The following AGBL1 variants were observed in gnomAD, a reference collection of about 807,000 sequenced individuals.
The protein encoded by AGBL1 is cytosolic carboxypeptidase 4.
In AGBL1, 130 loss-of-function variants were observed where a neutral mutation model predicts 118.9. The ratio of observed to expected loss-of-function variants is 1.09; its 90% CI spans 0.95 to 1.26. The LOEUF is 1.26. AGBL1 is among the 50% of genes most tolerant of loss of function. AGBL1 has a pLI of 0.00. For synonymous variants in AGBL1, 555 were observed against 478.9 expected, an observed-to-expected ratio of 1.16 and a Z score of -2.08; for missense variants, 1,584 against 1,298.1, an observed-to-expected ratio of 1.22 and a Z score of -3.38.
At chr15:86,571,682 C>G (rs1225258368) in intron 21 of AGBL1, among the ~76,000 whole-genome samples, 1 of 152,260 alleles carries the variant, frequency 6.6e-6, no homozygotes, top group Non-Finnish European at 1.5e-5. Context: ...GTCCTCTGCT[C>G]AAGTCAAGGG....
chr15:86,478,150 C>T (rs1204249674), intron 18 of AGBL1, among the ~76,000 whole-genome samples: 3 of 152,150 alleles, frequency 2.0e-5, no homozygotes, highest in East Asian at 1.9e-4. Context: ...AAACTGGAAG[C>T]ATTCCCTTTG....
At chr15:86,718,171 C>A (rs1261110386) in intron 22 of AGBL1, among the ~76,000 whole-genome samples, 1 of 152,172 alleles carries the variant, frequency 6.6e-6, no homozygotes, top group East Asian at 1.9e-4. Context: ...AGAGACCCTA[C>A]CACTGAAGTA....
In AGBL1 at chr15:86,980,448, C is replaced by T. The variant is rs149712067; in HGVS notation, c.3222-7539C>T. Among the ~76,000 whole-genome samples the T allele has an allele frequency of 4.3e-3, 649 of 152,292 alleles. 8 individuals carry two copies. The highest frequency in any genetic ancestry group is 0.015 in the African/African-American group (625 of 41,570). Reference sequence around the variant, plus strand: ...ACTGCAAAGGGGCTGCAAAATTCATCAGTGGAAAATGGCTCAGCGAATTCT... The same window carrying T: ...ACTGCAAAGGGGCTGCAAAATTCATTAGTGGAAAATGGCTCAGCGAATTCT... On this transcript the variant is annotated intron_variant, in intron 23 of 24. Transcript: ENST00000441037.
chr15:86,707,924 A>G (rs1200826381), intron 22 of AGBL1, among the ~76,000 whole-genome samples: 1 of 152,084 alleles, frequency 6.6e-6, no homozygotes, highest in Non-Finnish European at 1.5e-5. Flanking sequence ...TTGGAAATGG[A>G]GGGTTAATAG....
intron 22 of AGBL1, among the ~76,000 whole-genome samples, chr15:86,772,100 G>T (rs1471242470): frequency 1.3e-5 from 2 of 152,034 alleles, no homozygotes; most frequent in Non-Finnish European, 2.9e-5. Flanking sequence ...CACTGTAGTG[G>T]TCTCAGGCTT....
intron 23 of AGBL1, among the ~76,000 whole-genome samples, chr15:86,944,860 C>A (rs898194708): frequency 2.6e-5 from 4 of 151,974 alleles, no homozygotes; most frequent in Non-Finnish European, 4.4e-5. Context: ...ATTTATTGAC[C>A]GAACTAGGAG....
At chr15:86,324,062 A>G (rs1054084922) in intron 17 of AGBL1, among the ~76,000 whole-genome samples, 1 of 152,264 alleles carries the variant, frequency 6.6e-6, no homozygotes, top group African/African-American at 2.4e-5. Flanking sequence ...AAATAGAGTC[A>G]TAAGCATGTC....
chr15:86,582,049 T>G (rs2084178890), intron 21 of AGBL1, among the ~76,000 whole-genome samples: 1 of 152,170 alleles, frequency 6.6e-6, no homozygotes, highest in Admixed American at 6.5e-5. Flanking sequence ...AGGCTGACAT[T>G]GTAGGATATT....
chr15:86,235,283 A>G (rs1156897228), intron 6 of AGBL1, among the ~76,000 whole-genome samples: 1 of 152,232 alleles, frequency 6.6e-6, no homozygotes, highest in Non-Finnish European at 1.5e-5. Context: ...TATAGAGTGG[A>G]CACTCAGAGT....
In AGBL1 at chr15:86,997,564, A is replaced by G. The variant is rs550515209; in HGVS notation, c.3323+9476A>G. On this transcript the variant is annotated intron_variant, in intron 24 of 24. Transcript: ENST00000441037. ...ACTAGGATAGCCTTTGAAAACAGAA[A>G]AAAGCACAATAGATATTGATGGATC... 2.0e-5 allele frequency among the ~76,000 whole-genome samples: 3 copies of G among 152,306 alleles called. No homozygotes were observed. The South Asian group carries it at 6.2e-4, about 32-fold the overall frequency.
At chr15:86,467,139 G>A (rs542780543) in intron 18 of AGBL1, among the ~76,000 whole-genome samples, 5 of 152,324 alleles carry the variant, frequency 3.3e-5, no homozygotes, top group Admixed American at 3.3e-4. Context: ...CCTTGACTGG[G>A]GCTGCTGCCT....
At chr15:86,881,118 G>GGGGAGT in intron 22 of AGBL1, among the ~76,000 whole-genome samples, 1 of 152,180 alleles carries the variant, frequency 6.6e-6, no homozygotes, top group African/African-American at 2.4e-5. Context: ...CACCAGACAT[G>GGGGAGT]CTAAGTTCCA....
At chr15:86,724,537 G>T (rs1243186235) in intron 22 of AGBL1, among the ~76,000 whole-genome samples, 1 of 152,140 alleles carries the variant, frequency 6.6e-6, no homozygotes, top group Admixed American at 6.5e-5. Flanking sequence ...AGGGGGCAAG[G>T]GTAGAGGTAA....
chr15:86,714,913 G>C, intron 22 of AGBL1, among the ~76,000 whole-genome samples: 1 of 152,112 alleles, frequency 6.6e-6, no homozygotes, highest in Non-Finnish European at 1.5e-5. Context: ...TGCACTCCAA[G>C]TATTTTAAGT....
At position 86,172,376 on chromosome 15, in the gene AGBL1, C is replaced by G. The variant is rs903140548; in HGVS notation, c.488+13350C>G. Among the ~76,000 whole-genome samples the G allele has an allele frequency of 7.9e-5, 12 of 152,140 alleles. 1 individual carries two copies. The highest frequency in any genetic ancestry group is 2.9e-4 in the African/African-American group (12 of 41,438). ...TCATTTCTTTGTGTTGGGAATATTTCAAATCTTCTAGTTATTTTGAAATAG... is the reference window on the plus strand; with the variant it reads ...TCATTTCTTTGTGTTGGGAATATTTGAAATCTTCTAGTTATTTTGAAATAG... On this transcript the variant is annotated intron_variant, in intron 5 of 22. Coordinates refer to ENST00000614907, the MANE Select transcript of AGBL1 (RefSeq NM_001386094.1).
chr15:86,492,968 C>T (rs1339430619), intron 18 of AGBL1, among the ~76,000 whole-genome samples: 1 of 152,062 alleles, frequency 6.6e-6, no homozygotes, highest in Non-Finnish European at 1.5e-5. Flanking sequence ...GTGGGCAGAT[C>T]ACGAGGTCAA....
At chr15:86,310,206 T>C (rs1254756805) in intron 17 of AGBL1, among the ~76,000 whole-genome samples, 2 of 152,234 alleles carry the variant, frequency 1.3e-5, no homozygotes, top group African/African-American at 2.4e-5. Flanking sequence ...TTGTCTAATA[T>C]GTTGCCACAG....
In AGBL1 at chr15:86,241,800, G is replaced by T. The variant is rs117993190; in HGVS notation, c.527-5871G>T. 4.8e-3 allele frequency among the ~76,000 whole-genome samples: 738 copies of T among 152,278 alleles called. 1 individual carries two copies. Among genetic ancestry groups the T allele is most frequent in the Non-Finnish European group, 7.6e-3 (520 of 68,012 alleles). On this transcript the variant is annotated intron_variant, in intron 6 of 22. Transcript: ENST00000614907. ...CTGTAACATTGAGTAACTTAACCAA[G>T]GTTACACAGCTAGTAAACACTAGAG... is the stretch of plus-strand genomic sequence containing the variant.
intron 5 of AGBL1, among the ~76,000 whole-genome samples, chr15:86,198,540 C>T (rs2077852099): frequency 1.3e-5 from 2 of 152,120 alleles, no homozygotes; most frequent in South Asian, 4.1e-4. Flanking sequence ...TGTTGATGCC[C>T]TAATCCCCAA....
Sources: allele counts gnomAD v4.1 joint callset (sites outside exome capture counted in the v4.1 genomes callset), GRCh38; gene constraint gnomAD v4.1.1; transcripts MANE v1.5; gene names NCBI Gene and HGNC (gene_info 2026-07-23, HGNC 2026-07-21).